HAPLN1: variants seen among roughly 807,000 people sequenced by gnomAD.
The protein encoded by HAPLN1 is Cartilage link protein.
In HAPLN1, 13 loss-of-function variants were observed where a neutral mutation model predicts 36.5. That is an observed-to-expected ratio of 0.36 (90% CI 0.23 to 0.57). The LOEUF is 0.57. Among genes scored for constraint, HAPLN1 ranks in the 20% least tolerant of loss-of-function variants. HAPLN1 has a pLI of 0.83. For synonymous variants in HAPLN1, 202 were observed against 169.8 expected (o/e 1.19, Z -1.48); for missense variants, 407 against 439.7 (o/e 0.93, Z 0.66).
chr5:83,649,332 T>C (rs1749978270), intron 3 of HAPLN1, among the ~76,000 whole-genome samples: 1 of 152,216 alleles, frequency 6.6e-6, no homozygotes, highest in African/African-American at 2.4e-5. Context: ...TTCACATTTT[T>C]GCTTTGAGTA....
chr5:83,703,891 C>G (rs1207750905), intron 1 of HAPLN1, among the ~76,000 whole-genome samples: 1 of 151,612 alleles, frequency 6.6e-6, no homozygotes, highest in Non-Finnish European at 1.5e-5. Context: ...TCAGGAAATA[C>G]AGAGAACCCC....
chr5:83,653,921 T>C (rs2112569117), intron 2 of HAPLN1, among the ~76,000 whole-genome samples: 1 of 152,382 alleles, frequency 6.6e-6, no homozygotes, highest in East Asian at 1.9e-4. Flanking sequence ...TGGATACGGA[T>C]ATCTTTGTGT....
intron 2 of HAPLN1, among the ~76,000 whole-genome samples, chr5:83,660,606 C>G (rs902421943): frequency 1.3e-5 from 2 of 151,954 alleles, no homozygotes; most frequent in Non-Finnish European, 2.9e-5. Context: ...CCTCTTAATT[C>G]TCTTTTCTTA....
At chr5:83,709,195 A>G (rs769399175) in intron 1 of HAPLN1, among the ~76,000 whole-genome samples, 2 of 152,200 alleles carry the variant, frequency 1.3e-5, no homozygotes, top group African/African-American at 2.4e-5. Context: ...AAACTCACAG[A>G]GATATCTGGA....
chr5:83,706,104 GAA>G lies in HAPLN1; in HGVS notation c.-27+14683_-27+14684del, dbSNP rs200981513. On this transcript the variant is annotated intron_variant, in intron 1 of 4. Coordinates refer to ENST00000274341, the MANE Select transcript of HAPLN1 (RefSeq NM_001884.4). Reference sequence around the variant, plus strand: ...ATCAGTAATAAATAGCCTACCAATCGAAAAAAAAAAAAAACAAAAGCCCAGGG... The same window carrying G: ...ATCAGTAATAAATAGCCTACCAATCGAAAAAAAAAAAACAAAAGCCCAGGG... Among the ~76,000 whole-genome samples the G allele has an allele frequency of 1.1e-4, 14 of 126,674 alleles. 1 individual carries two copies. In the South Asian group the frequency reaches 2.1e-3, roughly 19 times the overall value. 83.1% of individuals were successfully genotyped at this position (126,674 alleles called of 152,430 possible).
At chr5:83,657,636 G>A (rs1750258165) in intron 2 of HAPLN1, among the ~76,000 whole-genome samples, 1 of 151,966 alleles carries the variant, frequency 6.6e-6, no homozygotes, top group Admixed American at 6.6e-5. Flanking sequence ...TGAAGCCCTT[G>A]GGAACCTCCC....
chr5:83,648,247 A>G (rs987649579), intron 3 of HAPLN1, among the ~76,000 whole-genome samples: 12 of 149,128 alleles, frequency 8.0e-5, no homozygotes, highest in African/African-American at 3.0e-4. Flanking sequence ...TCTAATTCCA[A>G]CTCACATGGA....
intron 1 of HAPLN1, among the ~76,000 whole-genome samples, chr5:83,719,011 T>A (rs956996995): frequency 2.6e-5 from 4 of 152,212 alleles, no homozygotes; most frequent in African/African-American, 9.6e-5. Flanking sequence ...GACCGTTTAC[T>A]CATAAAGTAT....
chr5:83,679,541 TA>T (rs1039294095), intron 1 of HAPLN1, among the ~76,000 whole-genome samples: 2 of 152,202 alleles, frequency 1.3e-5, no homozygotes, highest in African/African-American at 4.8e-5. Flanking sequence ...CGCTCTTACA[TA>T]ATTTATTCTT....
intron 1 of HAPLN1, among the ~76,000 whole-genome samples, chr5:83,706,102 T>A (rs10066214): frequency 7.6e-6 from 1 of 131,986 alleles, no homozygotes; most frequent in Non-Finnish European, 1.6e-5. Flanking sequence ...AGCCTACCAA[T>A]CGAAAAAAAA....
chr5:83,712,854 G>C (rs1212967116), intron 1 of HAPLN1, among the ~76,000 whole-genome samples: 2 of 146,194 alleles, frequency 1.4e-5, no homozygotes, highest in East Asian at 4.0e-4. Context: ...TTATCAAGCA[G>C]TCCTATAAGG....
At chr5:83,716,347 CCTTTAA>C (rs1217820348) in intron 1 of HAPLN1, among the ~76,000 whole-genome samples, 1 of 152,186 alleles carries the variant, frequency 6.6e-6, no homozygotes, top group East Asian at 1.9e-4. Flanking sequence ...GAGAACCAGC[CCTTTAA>C]CTTTAGTAAG....
At chr5:83,648,725 C>A (rs2112561176) in intron 3 of HAPLN1, among the ~76,000 whole-genome samples, 1 of 152,048 alleles carries the variant, frequency 6.6e-6, no homozygotes, top group South Asian at 2.1e-4. Context: ...AGAAGACTGA[C>A]AGGGAGTTTG....
chr5:83,716,657 G>C (rs866638751), intron 1 of HAPLN1, among the ~76,000 whole-genome samples: 1 of 152,188 alleles, frequency 6.6e-6, no homozygotes, highest in Non-Finnish European at 1.5e-5. Context: ...AGCTTGGCTG[G>C]TTTTCTCTTG....
chr5:83,642,517 G>C (rs1453723062), intron 4 of HAPLN1, among the ~76,000 whole-genome samples: 2 of 152,134 alleles, frequency 1.3e-5, no homozygotes, highest in African/African-American at 2.4e-5. Context: ...GTTAATTACT[G>C]AGATTCCTTC....
At chr5:83,709,134 C>T (rs766211443) in intron 1 of HAPLN1, among the ~76,000 whole-genome samples, 32 of 152,132 alleles carry the variant, frequency 2.1e-4, no homozygotes, top group African/African-American at 3.6e-4. Context: ...GGATTACAGG[C>T]GTGAGCCACC....
At chr5:83,700,848 A>T (rs1331568178) in intron 1 of HAPLN1, among the ~76,000 whole-genome samples, 1 of 152,150 alleles carries the variant, frequency 6.6e-6, no homozygotes, top group African/African-American at 2.4e-5. Context: ...GGACACAGTA[A>T]AAGAGTGCAG....
chr5:83,659,843 C>T (rs1326161257), intron 2 of HAPLN1, among the ~76,000 whole-genome samples: 1 of 151,962 alleles, frequency 6.6e-6, no homozygotes, highest in East Asian at 1.9e-4. Flanking sequence ...TAATTGTTGT[C>T]TGGTTTTGAA....
Position 83,644,672 on chromosome 5 carries a change from A to G in HAPLN1, c.473-7T>C, listed in dbSNP as rs1435228235. ...AAGTAAGGGAATACCACACCTGTCCAAAGGAGAAAGCAAGGAGTTGTTAGA... is the reference window on the plus strand; with the variant it reads ...AAGTAAGGGAATACCACACCTGTCCGAAGGAGAAAGCAAGGAGTTGTTAGA... On this transcript the variant is annotated splice_polypyrimidine_tract_variant and splice_region_variant and intron_variant, in intron 3 of 4. Transcript: ENST00000274341. 10 of 1,413,148 alleles carry G rather than the reference A, an allele frequency of 7.1e-6. No individual in the cohort carries two copies. The highest frequency in any genetic ancestry group is 9.3e-6 in the Non-Finnish European group (10 of 1,076,914). 87.5% of individuals were successfully genotyped at this position (1,413,148 alleles called of 1,614,324 possible). A position where few individuals can be genotyped will look rare whatever the true frequency, so the allele number is the denominator to read the frequency against.
Sources: gnomAD v4.1 joint callset for allele counts (sites outside exome capture counted in the v4.1 genomes callset) on GRCh38, gnomAD v4.1.1 for gene constraint, MANE v1.5 for transcripts, NCBI Gene and HGNC (gene_info 2026-07-23, HGNC 2026-07-21) for gene names.